Variants in CDH13 observed in about 807,000 individuals in gnomAD.
CDH13 encodes the protein cadherin-13.
A neutral mutation model predicts 63.8 loss-of-function variants in CDH13; 24 were observed. The ratio of observed to expected loss-of-function variants is 0.38; its 90% CI spans 0.27 to 0.53. The LOEUF (loss-of-function observed/expected upper bound fraction) is 0.53. Ranked by LOEUF, CDH13 falls within the 20% of genes least tolerant of loss-of-function variation. The probability of loss-of-function intolerance (pLI) is 0.85; values close to 1 mark genes in which losing one functional copy is unlikely to be tolerated. For synonymous variants in CDH13, 503 were observed against 355.3 expected, an observed-to-expected ratio of 1.42 and a Z score of -4.67; for missense variants, 1,049 against 903.1, an observed-to-expected ratio of 1.16 and a Z score of -2.07.
intron 5 of CDH13, among the ~76,000 whole-genome samples, chr16:83,245,637 A>G (rs889354093): frequency 6.6e-6 from 1 of 152,266 alleles, no homozygotes; most frequent in Non-Finnish European, 1.5e-5. Context: ...TTCTCAATGC[A>G]GTAGACTTAG....
At chr16:83,331,777 T>C (rs1371065084) in intron 5 of CDH13, among the ~76,000 whole-genome samples, 1 of 152,190 alleles carries the variant, frequency 6.6e-6, no homozygotes, top group East Asian at 1.9e-4. Context: ...CATTAGTATA[T>C]TTTTACATTC....
intron 2 of CDH13, among the ~76,000 whole-genome samples, chr16:82,881,024 C>T (rs2040684205): frequency 6.6e-6 from 1 of 152,176 alleles, no homozygotes; most frequent in Non-Finnish European, 1.5e-5. Context: ...CTGGGTTTAT[C>T]TTGACCCTTT....
rs527509997 is a variant in CDH13 at position 82,934,434 on chromosome 16, C to A, written c.157+75961C>A. 4.6e-5 allele frequency among the ~76,000 whole-genome samples: 7 copies of A among 152,284 alleles called. No homozygotes were observed. The East Asian group carries it at 1.2e-3, about 25-fold the overall frequency. On this transcript the variant is annotated intron_variant, in intron 2 of 13. Coordinates refer to ENST00000567109, the MANE Select transcript of CDH13 (RefSeq NM_001257.5). ...CAGCCCACAAAACCATTTTTTCCAT[C>A]TAGGCCTCAGGGCCTGTGATGGCAG...
At chr16:82,982,349 A>T (rs1278671528) in intron 2 of CDH13, among the ~76,000 whole-genome samples, 3 of 152,208 alleles carry the variant, frequency 2.0e-5, no homozygotes, top group African/African-American at 7.2e-5. Context: ...TTAGGTTCCT[A>T]TTGTTGTATT....
At chr16:83,662,467 T>C (rs370543546) in intron 8 of CDH13, among the ~76,000 whole-genome samples, 19 of 152,348 alleles carry the variant, frequency 1.2e-4, no homozygotes, top group East Asian at 1.2e-3. Flanking sequence ...AAAGAATCTC[T>C]GTGTTTTAGA....
intron 2 of CDH13, among the ~76,000 whole-genome samples, chr16:82,902,720 G>A (rs930420217): frequency 6.6e-6 from 1 of 151,820 alleles, no homozygotes; most frequent in Non-Finnish European, 1.5e-5. Context: ...TGTCTCTTCT[G>A]TTGAGCCATT....
intron 1 of CDH13, among the ~76,000 whole-genome samples, chr16:82,654,837 C>A (rs1239260205): frequency 1.3e-5 from 2 of 151,982 alleles, no homozygotes; most frequent in African/African-American, 4.8e-5. Context: ...AAGGTATGTG[C>A]CTGGCCTTGT....
At chr16:83,045,497 C>T (rs527578463) in intron 3 of CDH13, among the ~76,000 whole-genome samples, 21 of 151,818 alleles carry the variant, frequency 1.4e-4, no homozygotes, top group African/African-American at 4.3e-4. Flanking sequence ...ATTATCCAGG[C>T]GTGGTGGCAG....
At chr16:82,809,016 A>G (rs2037303097) in intron 1 of CDH13, among the ~76,000 whole-genome samples, 1 of 152,170 alleles carries the variant, frequency 6.6e-6, no homozygotes, top group African/African-American at 2.4e-5. Flanking sequence ...TATACACGTT[A>G]TATATATGAT....
At chr16:82,821,776 C>G (rs1019842141) in intron 1 of CDH13, among the ~76,000 whole-genome samples, 3 of 152,176 alleles carry the variant, frequency 2.0e-5, no homozygotes, top group African/African-American at 7.2e-5. Flanking sequence ...AATACTTGCT[C>G]TGAACCTCAA....
At chr16:83,447,051 C>G (rs577289997) in intron 6 of CDH13, among the ~76,000 whole-genome samples, 99 of 45,970 alleles carry the variant, frequency 2.2e-3, no homozygotes, top group African/African-American at 0.01. Flanking sequence ...GGTCACCCGT[C>G]TTAAAAAAAA....
At chr16:83,398,764 C>A (rs1258677305) in intron 6 of CDH13, among the ~76,000 whole-genome samples, 6 of 152,254 alleles carry the variant, frequency 3.9e-5, no homozygotes, top group African/African-American at 1.4e-4. Context: ...TAATACAATG[C>A]CTTCTTTGAA....
chr16:83,708,267 T>C (rs114385890), intron 10 of CDH13, among the ~76,000 whole-genome samples: 1,779 of 152,306 alleles, frequency 0.012, 44 homozygotes, highest in African/African-American at 0.041. Flanking sequence ...GACCTCACCG[T>C]AAGGGACAGT....
At chr16:82,972,447 C>G (rs1001289735) in intron 2 of CDH13, among the ~76,000 whole-genome samples, 1 of 152,182 alleles carries the variant, frequency 6.6e-6, no homozygotes, top group African/African-American at 2.4e-5. Flanking sequence ...CTCATCTCTT[C>G]TTTAGCCGAA....
intron 1 of CDH13, among the ~76,000 whole-genome samples, chr16:82,770,087 C>T (rs2035205563): frequency 6.6e-6 from 1 of 152,226 alleles, no homozygotes; most frequent in Non-Finnish European, 1.5e-5. Flanking sequence ...CTGTCTATGG[C>T]TTGGGAAGTT....
chr16:82,933,861 G>A (rs534082013), intron 2 of CDH13, among the ~76,000 whole-genome samples: 1 of 152,312 alleles, frequency 6.6e-6, no homozygotes, highest in Admixed American at 6.5e-5. Context: ...TCACATCCAG[G>A]TCACATTGAT....
rs146868647 is a variant in CDH13 at position 83,281,252 on chromosome 16, A to G, written c.637-63610A>G. On this transcript the variant is annotated intron_variant, in intron 5 of 13. Transcript: ENST00000567109. ...ATCAGCACTCGCTGCTTCGCCTAGC[A>G]CTATGTTATAGGGATGGCTTCTTTC... 2.5e-3 allele frequency among the ~76,000 whole-genome samples: 384 copies of G among 152,342 alleles called. 1 individual carries two copies. The highest frequency in any genetic ancestry group is 8.6e-3 in the African/African-American group (359 of 41,576).
At chr16:82,842,139 CACAT>C (rs1251687940) in intron 1 of CDH13, among the ~76,000 whole-genome samples, 15 of 57,140 alleles carry the variant, frequency 2.6e-4, no homozygotes, top group African/African-American at 6.4e-4. Flanking sequence ...TATATATATA[CACAT>C]ATATATATAT....
intron 3 of CDH13, among the ~76,000 whole-genome samples, chr16:83,053,875 T>C (rs1323510098): frequency 6.6e-6 from 1 of 152,194 alleles, no homozygotes; most frequent in East Asian, 1.9e-4. Context: ...AAACCTCTGA[T>C]AGTAGCAAAG....
Sources: gnomAD v4.1 joint callset for allele counts (sites outside exome capture counted in the v4.1 genomes callset) on GRCh38, gnomAD v4.1.1 for gene constraint, MANE v1.5 for transcripts, NCBI Gene and HGNC (gene_info 2026-07-23, HGNC 2026-07-21) for gene names.